ASPRV1: variants seen among roughly 807,000 people sequenced by gnomAD.
The protein encoded by ASPRV1 is retroviral-like aspartic protease 1.
ASPRV1 carries 7 observed loss-of-function variants against 11.0 expected under a neutral mutation model. That is an observed-to-expected ratio of 0.64 (90% CI 0.36 to 1.20). The LOEUF (loss-of-function observed/expected upper bound fraction) is 1.20, where lower values mean the gene tolerates loss of function less well. Among genes scored for constraint, ASPRV1 ranks in the 50% most tolerant of loss-of-function variants. The probability of loss-of-function intolerance (pLI) is 0.02; values close to 1 mark genes in which losing one functional copy is unlikely to be tolerated. For synonymous variants in ASPRV1, 136 were observed against 138.4 expected (o/e 0.98, Z 0.12); for missense variants, 299 against 320.0 (o/e 0.93, Z 0.50).
chr2:69,981,872 T>C, the ASPRV1 span, among the ~76,000 whole-genome samples: 2 of 152,218 alleles, frequency 1.3e-5, no homozygotes, highest in Non-Finnish European at 2.9e-5. Flanking sequence ...TTCTCTACTT[T>C]TAAATGATGC....
At chr2:70,034,082 G>C in the ASPRV1 span, among the ~76,000 whole-genome samples, 9 of 150,586 alleles carry the variant, frequency 6.0e-5, no homozygotes, top group South Asian at 1.5e-3. Context: ...TGAACCCCGG[G>C]GGGTGGAGCC....
At chr2:70,009,311 CTTATTTAT>C in the ASPRV1 span, among the ~76,000 whole-genome samples, 324 of 147,646 alleles carry the variant, frequency 2.2e-3, 1 homozygote, top group African/African-American at 7.0e-3. Flanking sequence ...AATTTATTGT[CTTATTTAT>C]TTATTTATTT....
the ASPRV1 span, among the ~76,000 whole-genome samples, chr2:69,991,251 C>T: frequency 6.6e-6 from 1 of 152,172 alleles, no homozygotes; most frequent in South Asian, 2.1e-4. Flanking sequence ...TGCGGCCCTC[C>T]CTGTGCTAGG....
the ASPRV1 span, among the ~76,000 whole-genome samples, chr2:69,982,263 G>C: frequency 3.3e-5 from 5 of 151,356 alleles, no homozygotes; most frequent in Admixed American, 6.6e-5. Context: ...AGACCAGCCT[G>C]GGCAAGAGAG....
the ASPRV1 span, chr2:70,045,170 C>T: frequency 2.0e-5 from 3 of 152,308 alleles, no homozygotes; most frequent in Admixed American, 1.3e-4. Context: ...CTTTCTCCTA[C>T]CCTCCTTTCC....
the ASPRV1 span, among the ~76,000 whole-genome samples, chr2:69,932,806 C>T: frequency 6.6e-6 from 1 of 152,084 alleles, no homozygotes; most frequent in African/African-American, 2.4e-5. Flanking sequence ...GCATATAAAC[C>T]AACATCATAA....
At chr2:69,943,995 G>A in the ASPRV1 span, among the ~76,000 whole-genome samples, 4 of 152,208 alleles carry the variant, frequency 2.6e-5, no homozygotes, top group Non-Finnish European at 5.9e-5. Flanking sequence ...GAACTTCCTG[G>A]TACTTCTACT....
chr2:70,086,938 G>GGACA, the ASPRV1 span: 1 of 152,260 alleles, frequency 6.6e-6, no homozygotes, highest in Non-Finnish European at 1.5e-5. Context: ...GCGCCCGGAC[G>GGACA]CCGGGGACGA....
At chr2:69,980,895 C>T in the ASPRV1 span, among the ~76,000 whole-genome samples, 110 of 152,344 alleles carry the variant, frequency 7.2e-4, no homozygotes, top group African/African-American at 2.4e-3. Context: ...CCAGCCTCAG[C>T]CTCCCGAGTA....
chr2:69,997,945 C>T, the ASPRV1 span: 1 of 152,222 alleles, frequency 6.6e-6, no homozygotes, highest in African/African-American at 2.4e-5. Flanking sequence ...CATGACAATG[C>T]TATGAGACAG....
chr2:70,082,694 G>T, the ASPRV1 span, among the ~76,000 whole-genome samples: 1 of 152,132 alleles, frequency 6.6e-6, no homozygotes, highest in African/African-American at 2.4e-5. Context: ...TGGGCAACAA[G>T]CGCGAAACTC....
chr2:70,016,645 A>G, the ASPRV1 span, among the ~76,000 whole-genome samples: 1 of 152,130 alleles, frequency 6.6e-6, no homozygotes, highest in Non-Finnish European at 1.5e-5. Context: ...GGAGTTTGAG[A>G]GCAGCTTGGC....
the ASPRV1 span, among the ~76,000 whole-genome samples, chr2:70,066,224 T>C: frequency 6.6e-6 from 1 of 151,898 alleles, no homozygotes; most frequent in Admixed American, 6.6e-5. Flanking sequence ...AGCAGTTCAA[T>C]GGAAACATCA....
At chr2:70,068,034 T>A in the ASPRV1 span, among the ~76,000 whole-genome samples, 1 of 152,216 alleles carries the variant, frequency 6.6e-6, no homozygotes, top group Non-Finnish European at 1.5e-5. Context: ...TCTGAAATGT[T>A]AACACCAAGC....
At chr2:69,986,181 T>A in the ASPRV1 span, among the ~76,000 whole-genome samples, 1 of 152,246 alleles carries the variant, frequency 6.6e-6, no homozygotes, top group Admixed American at 6.5e-5. Context: ...GCGTCTAATA[T>A]GAATCCCAAT....
the ASPRV1 span, among the ~76,000 whole-genome samples, chr2:70,001,999 T>C: frequency 1.3e-5 from 2 of 152,212 alleles, no homozygotes; most frequent in Non-Finnish European, 2.9e-5. Context: ...CCCATTTATG[T>C]AATAAAATAT....
At chr2:69,978,422 C>T in the ASPRV1 span, among the ~76,000 whole-genome samples, 2 of 152,182 alleles carry the variant, frequency 1.3e-5, no homozygotes, top group African/African-American at 4.8e-5. Flanking sequence ...ACCCACTAGG[C>T]CACCTTAGGA....
At chr2:70,053,310 A>T in the ASPRV1 span, among the ~76,000 whole-genome samples, 1 of 152,062 alleles carries the variant, frequency 6.6e-6, no homozygotes, top group Non-Finnish European at 1.5e-5. Context: ...AAGGAACTGG[A>T]AACTTCCCAA....
chr2:70,037,963 C>A, the ASPRV1 span, among the ~76,000 whole-genome samples: 1 of 152,152 alleles, frequency 6.6e-6, no homozygotes, highest in Admixed American at 6.6e-5. Context: ...AAACCTAGGT[C>A]TGTTTCTGGA....
Sources: allele counts gnomAD v4.1 joint callset (sites outside exome capture counted in the v4.1 genomes callset), GRCh38; gene constraint gnomAD v4.1.1; transcripts MANE v1.5; gene names NCBI Gene and HGNC (gene_info 2026-07-23, HGNC 2026-07-21).